HADHA: variants seen among roughly 807,000 people sequenced by gnomAD.
The protein encoded by HADHA is trifunctional enzyme subunit alpha, mitochondrial.
In HADHA, 59 loss-of-function variants were observed where a neutral mutation model predicts 91.3. The observed-to-expected ratio is 0.65, with a 90% CI of 0.52 to 0.80. The LOEUF (loss-of-function observed/expected upper bound fraction) is 0.80. Ranked by LOEUF, HADHA falls within the 30% of genes least tolerant of loss-of-function variation. The pLI is 0.00. For missense variants in HADHA, 800 were observed against 927.6 expected (o/e 0.86, Z 1.79); for synonymous variants, 320 against 338.9 (o/e 0.94, Z 0.61).
chr2:26,209,219 C>T (rs577901814), intron 11 of HADHA, among the ~76,000 whole-genome samples: 7 of 152,252 alleles, frequency 4.6e-5, no homozygotes, highest in African/African-American at 1.7e-4. Flanking sequence ...CAAAATTGTC[C>T]ACGCTGAGAA....
In HADHA at chr2:26,232,144, G is replaced by T; in HGVS notation, c.573+16C>A. 1 of 1,598,542 alleles carries T rather than the reference G, an allele frequency of 6.3e-7. No individual in the cohort carries two copies. The highest frequency in any genetic ancestry group is 8.6e-7 in the Non-Finnish European group (1 of 1,165,962). On this transcript the variant is annotated intron_variant, in intron 6 of 19. Transcript: ENST00000380649. ...AAAGAGGGCATATAGCTTCACAAAG[G>T]GGATGTTAGACTCACCATTTTGGGC...
In HADHA at chr2:26,244,517, G is replaced by C. The variant is rs1445549322; in HGVS notation, c.67+13C>G. The C allele has an allele frequency of 1.3e-6, 2 of 1,569,380 alleles. No individual in the cohort carries two copies. The highest frequency in any genetic ancestry group is 8.6e-7 in the Non-Finnish European group (1 of 1,156,626). On this transcript the variant is annotated intron_variant, in intron 1 of 19. Coordinates refer to ENST00000380649, the MANE Select transcript of HADHA (RefSeq NM_000182.5). Reference sequence around the variant, plus strand: ...CTGCCCGGAGGTCTGGGATGCCCTCGGCCAGGCCTCACCTCGGGAGCGGAG... The same window carrying C: ...CTGCCCGGAGGTCTGGGATGCCCTCCGCCAGGCCTCACCTCGGGAGCGGAG...
chr2:26,194,415 G>A (rs765776373), intron 16 of HADHA, among the ~76,000 whole-genome samples, 155 bp downstream of exon 16: 1 of 152,144 alleles, frequency 6.6e-6, no homozygotes, highest in Non-Finnish European at 1.5e-5. Context: ...CCCAACTTCC[G>A]ACTGCTGTGC....
rs1670581232 is a variant in HADHA at position 26,229,979 on chromosome 2, C to T, written c.676+213G>A. Among the ~76,000 whole-genome samples the T allele has an allele frequency of 6.6e-6, 1 of 152,190 alleles. No homozygotes were observed. Among genetic ancestry groups the T allele is most frequent in the South Asian group, 2.1e-4 (1 of 4,830 alleles). ...AGTAGCTGGAACTACAGGTTTGCACCACCACACCCGGCTAATCATTTTTAG... is the reference window on the plus strand; with the variant it reads ...AGTAGCTGGAACTACAGGTTTGCACTACCACACCCGGCTAATCATTTTTAG... On this transcript the variant is annotated intron_variant, in intron 7 of 19. Coordinates refer to ENST00000380649, the MANE Select transcript of HADHA (RefSeq NM_000182.5). This position sits in a 1 kb window ranked among gnomAD's most constrained non-coding sequence, Gnocchi z 4.3.
chr2:26,191,394 C>A lies in HADHA; in HGVS notation c.2148G>T (p.Gly716=). The part of the protein sequence containing the change: ...FGLGFPPCLG[G]PFRFVDLYGA... ...CATACAGATCCACAAAGCGGAAAGG[C>A]CCTGAATAGAGAAAGAGGACTTCGT... The change falls in exon 20 of 20, where the codon GGG becomes GGT. Residue 716 remains glycine, a splice_region_variant and synonymous_variant. Transcript: ENST00000380649. The A allele has an allele frequency of 6.2e-7, 1 of 1,614,154 alleles. No individual in the cohort carries two copies. Among genetic ancestry groups the A allele is most frequent in the Non-Finnish European group, 8.5e-7 (1 of 1,180,030 alleles).
intron 7 of HADHA, among the ~76,000 whole-genome samples, chr2:26,223,530 A>C (rs914161977): frequency 1.3e-4 from 20 of 152,180 alleles, no homozygotes; most frequent in African/African-American, 4.6e-4. Context: ...CCCTTTCCAC[A>C]CCAAACCTGG....
intron 1 of HADHA, among the ~76,000 whole-genome samples, chr2:26,241,335 T>G (rs954404091): frequency 6.6e-6 from 1 of 151,974 alleles, no homozygotes; most frequent in Non-Finnish European, 1.5e-5. Context: ...ATACACAATC[T>G]ATGGCCGGGC....
chr2:26,219,555 G>A (rs1355822427), intron 7 of HADHA, among the ~76,000 whole-genome samples: 1 of 152,230 alleles, frequency 6.6e-6, no homozygotes, highest in Non-Finnish European at 1.5e-5. Flanking sequence ...GTGAGGTGAG[G>A]CCCAGCATCT....
At chr2:26,203,967 A>G in intron 12 of HADHA, 95 bp downstream of exon 12, 2 of 1,237,890 alleles carry the variant, frequency 1.6e-6, no homozygotes, top group South Asian at 1.2e-5. Flanking sequence ...TGGCAAGAAC[A>G]AACAAACAAA....
At chr2:26,227,750 G>A (rs1327871738) in intron 7 of HADHA, among the ~76,000 whole-genome samples, 1 of 152,056 alleles carries the variant, frequency 6.6e-6, no homozygotes, top group African/African-American at 2.4e-5. Flanking sequence ...CAGGAAGACT[G>A]CTTGAGCCCA....
In HADHA at chr2:26,190,786, A is replaced by G. The variant is rs1669470242; in HGVS notation, c.*464T>C. ...CCTAAGGTGCTGCCTAGAATTCTGC[A>G]CACACATTCTTACTCCCCCAAAGCA... On this transcript the variant is annotated 3_prime_UTR_variant, in exon 20 of 20. Coordinates refer to ENST00000380649, the MANE Select transcript of HADHA (RefSeq NM_000182.5). The G allele has an allele frequency of 4.0e-6, 1 of 252,200 alleles. No individual in the cohort carries two copies. The highest frequency in any genetic ancestry group is 7.7e-6 in the Non-Finnish European group (1 of 129,642). 15.6% of individuals were successfully genotyped at this position (252,200 alleles called of 1,614,324 possible). A position where few individuals can be genotyped will look rare whatever the true frequency, so the allele number is the denominator to read the frequency against.
Position 26,230,694 on chromosome 2 carries a change from C to T in HADHA, c.574-400G>A, listed in dbSNP as rs571569436. 3.3e-3 allele frequency among the ~76,000 whole-genome samples: 497 copies of T among 151,944 alleles called. 3 individuals are homozygous for T. The highest frequency in any genetic ancestry group is 5.6e-3 in the Non-Finnish European group (382 of 67,966). On this transcript the variant is annotated intron_variant, in intron 6 of 19. Transcript: ENST00000380649. ...CAGCACTTTGGGAGGCCAAGGCAGG[C>T]GGGTCACCTGAGGTTAGGAGTTTGA...
chr2:26,197,689 ACCTTC>A lies in HADHA; in HGVS notation c.1476_1479+1del. 1 of 1,343,886 alleles carries A rather than the reference ACCTTC, an allele frequency of 7.4e-7. No homozygotes were observed. Among genetic ancestry groups the A allele is most frequent in the Non-Finnish European group, 1.1e-6 (1 of 932,816 alleles). The allele number at this position is 1,343,886 out of a possible 1,614,324, so 83.2% of individuals were successfully genotyped here. On this transcript the variant is annotated splice_donor_variant and coding_sequence_variant, in exon 14 of 20. Coordinates refer to ENST00000380649, the MANE Select transcript of HADHA (RefSeq NM_000182.5). LOFTEE classifies it high-confidence loss of function. ...CAGGGTTTTTCTCTGTTCCGAGTTTACCTTCTCAGGTCTTTTGCTGACAGCAGCGA... is the reference window on the plus strand; with the variant it reads ...CAGGGTTTTTCTCTGTTCCGAGTTTATCAGGTCTTTTGCTGACAGCAGCGA...
intron 11 of HADHA, among the ~76,000 whole-genome samples, chr2:26,207,161 G>A (rs1669989937): frequency 6.6e-6 from 1 of 152,022 alleles, no homozygotes; most frequent in African/African-American, 2.4e-5. Context: ...TTATGCCATC[G>A]CACTCCAGCC....
intron 4 of HADHA, among the ~76,000 whole-genome samples, chr2:26,236,338 G>C (rs1449345541): frequency 1.0e-5 from 1 of 100,464 alleles, no homozygotes; most frequent in East Asian, 2.6e-4. Context: ...TAGATCACAT[G>C]ATGTGTGTGT....
rs1669723236 is a variant in HADHA, at chr2:26,197,923, G to A, written c.1393-146C>T. ...AGTAGATGTCACTCACCCAGACATT[G>A]ACGGATCACCTAGGGGGTTTTGTGT... On this transcript the variant is annotated intron_variant, in intron 13 of 19. Transcript: ENST00000380649. 4 of 708,486 alleles carry A rather than the reference G, an allele frequency of 5.6e-6. No individual in the cohort carries two copies. The African/African-American group carries it at 7.0e-5, about 12-fold the overall frequency. The allele number at this position is 708,486 out of a possible 1,614,324, so 43.9% of individuals were successfully genotyped here. A position where few individuals can be genotyped will look rare whatever the true frequency, so the allele number is the denominator to read the frequency against.
intron 17 of HADHA, 91 bp from the exon 18 acceptor site, chr2:26,192,515 G>GA: frequency 1.3e-6 from 1 of 787,828 alleles, no homozygotes; most frequent in Non-Finnish European, 2.3e-6. Flanking sequence ...GGCCAGGCGT[G>GA]GTGGCTCACG....
chr2:26,228,814 G>A (rs1179363386), intron 7 of HADHA, among the ~76,000 whole-genome samples: 1 of 151,866 alleles, frequency 6.6e-6, no homozygotes, highest in Non-Finnish European at 1.5e-5. Flanking sequence ...TGGGACTACA[G>A]GTATACACTA....
chr2:26,197,757 G>T lies in HADHA; in HGVS notation c.1413C>A (p.Ile471=). Residue 471 remains isoleucine (I), a synonymous_variant, in exon 14 of 20, where the codon ATC becomes ATA. Coordinates refer to ENST00000380649, the MANE Select transcript of HADHA (RefSeq NM_000182.5). ...GGAGAGCAGATGTGTTACTGGCAAA[G>T]ATACAGTGATCTGGAATCACCTGCA... The part of the protein sequence containing the change: ...EVEAVIPDHC[I]FASNTSALPI... 6.5e-7 allele frequency: 1 copy of T among 1,534,062 alleles called. No homozygotes were observed. The highest frequency in any genetic ancestry group is 9.0e-7 in the Non-Finnish European group (1 of 1,106,786).
Sources: gnomAD v4.1 joint callset for allele counts (sites outside exome capture counted in the v4.1 genomes callset) on GRCh38, gnomAD v4.1.1 for gene constraint, Gnocchi (gnomAD v3.1) non-coding constraint, MANE v1.5 for transcripts, NCBI Gene and HGNC (gene_info 2026-07-23, HGNC 2026-07-21) for gene names.